Variants in PDE4D observed in about 807,000 individuals in gnomAD.
PDE4D encodes 3',5'-cyclic-AMP phosphodiesterase 4D.
In PDE4D, 24 loss-of-function variants were observed where a neutral mutation model predicts 87.4. The observed-to-expected ratio is 0.27, with a 90% confidence interval of 0.20 to 0.39. The LOEUF (loss-of-function observed/expected upper bound fraction) is 0.39. PDE4D is among the 10% of genes least tolerant of loss of function. The pLI, the probability that PDE4D is intolerant of heterozygous loss-of-function variation, is 1.00. For synonymous variants in PDE4D, 384 were observed against 383.2 expected, an observed-to-expected ratio of 1.00 and a Z score of -0.02; for missense variants, 714 against 1,041.0, an observed-to-expected ratio of 0.69 and a Z score of 4.32.
intron 1 of PDE4D, among the ~76,000 whole-genome samples, chr5:59,828,349 G>A (rs72751285): frequency 0.23 from 34,232 of 151,994 alleles, 4,888 homozygotes; most frequent in Admixed American, 0.34. Flanking sequence ...GGATTTGGGA[G>A]TGAGGGGGTA....
intron 1 of PDE4D, among the ~76,000 whole-genome samples, chr5:59,359,578 A>C (rs1781888426): frequency 6.6e-6 from 1 of 152,220 alleles, no homozygotes; most frequent in African/African-American, 2.4e-5. Flanking sequence ...AATATTTCAC[A>C]GACATGAGAA....
chr5:59,776,538 G>A lies in PDE4D; in HGVS notation c.455+116630C>T, dbSNP rs73758884. On this transcript the variant is annotated intron_variant, in intron 1 of 14. Transcript: ENST00000340635. ...TACAATAAATAGGTGCTTTACTGAT[G>A]CTTTTATGGCTCTGAAACTTGGGAA... 8.1e-3 allele frequency among the ~76,000 whole-genome samples: 1,231 copies of A among 152,280 alleles called. 10 individuals carry two copies. Among genetic ancestry groups the A allele is most frequent in the African/African-American group, 0.028 (1,180 of 41,560 alleles).
At chr5:59,160,502 C>T (rs1780905001) in intron 5 of PDE4D, among the ~76,000 whole-genome samples, 1 of 151,848 alleles carries the variant, frequency 6.6e-6, no homozygotes, top group Admixed American at 6.6e-5. Flanking sequence ...AAAGAAATTT[C>T]CAGGTGATTA....
chr5:60,494,601 T>C (rs1259659773), intron 1 of PDE4D, among the ~76,000 whole-genome samples: 2 of 152,178 alleles, frequency 1.3e-5, no homozygotes, highest in Non-Finnish European at 2.9e-5. Flanking sequence ...CTCCCCAGAT[T>C]CTTCTTTGTG....
At chr5:60,060,924 C>T (rs906155781) in intron 2 of PDE4D, among the ~76,000 whole-genome samples, 6 of 152,012 alleles carry the variant, frequency 3.9e-5, no homozygotes, top group African/African-American at 1.4e-4. Context: ...ATTGATGGAA[C>T]ATTTCCCAAA....
intron 1 of PDE4D, among the ~76,000 whole-genome samples, chr5:59,708,294 C>T (rs932131036): frequency 6.6e-6 from 1 of 151,728 alleles, no homozygotes; most frequent in Non-Finnish European, 1.5e-5. Flanking sequence ...TCAAACAAAC[C>T]CCACAGCTAG....
intron 2 of PDE4D, among the ~76,000 whole-genome samples, chr5:59,209,155 T>C (rs888672323): frequency 1.3e-5 from 2 of 152,198 alleles, no homozygotes; most frequent in African/African-American, 4.8e-5. Flanking sequence ...TTCTCTCAAA[T>C]AGTCTCACAT....
chr5:59,369,759 T>C (rs906141250), intron 1 of PDE4D, among the ~76,000 whole-genome samples: 1 of 152,078 alleles, frequency 6.6e-6, no homozygotes, highest in Admixed American at 6.6e-5. Flanking sequence ...AGCCCCCAGG[T>C]GCCTGAGATG....
chr5:59,112,304 C>G (rs1772802870), intron 5 of PDE4D, among the ~76,000 whole-genome samples: 1 of 152,138 alleles, frequency 6.6e-6, no homozygotes. Flanking sequence ...AGAGATGAAA[C>G]AGGGGTCAAA....
intron 11 of PDE4D, among the ~76,000 whole-genome samples, chr5:58,980,393 G>T: frequency 6.6e-6 from 1 of 152,106 alleles, no homozygotes; most frequent in East Asian, 1.9e-4. Flanking sequence ...GTACCTTATA[G>T]AGGTGAAAAC....
intron 6 of PDE4D, among the ~76,000 whole-genome samples, chr5:59,002,648 A>G (rs1750773645): frequency 6.6e-6 from 1 of 152,212 alleles, no homozygotes. Flanking sequence ...GCCCAGAGCC[A>G]GACCTGAGGG....
intron 1 of PDE4D, among the ~76,000 whole-genome samples, chr5:59,244,668 ATGTG>A (rs1162437569): frequency 1.9e-5 from 2 of 107,012 alleles, no homozygotes; most frequent in Non-Finnish European, 3.8e-5. Context: ...ATATGTATGT[ATGTG>A]TGTGTGTCTG....
intron 5 of PDE4D, chr5:59,039,241 C>CT (rs1759162243): frequency 8.1e-7 from 1 of 1,240,430 alleles, no homozygotes; most frequent in Non-Finnish European, 1.0e-6. Flanking sequence ...GGCGAGCCAA[C>CT]TTTCACACAG....
At chr5:60,359,588 A>C (rs1279549279) in intron 1 of PDE4D, among the ~76,000 whole-genome samples, 1 of 152,194 alleles carries the variant, frequency 6.6e-6, no homozygotes, top group Non-Finnish European at 1.5e-5. Context: ...TATTCTTAGA[A>C]AGGGCAACAA....
chr5:59,493,824 A>G (rs1806653172), intron 1 of PDE4D, among the ~76,000 whole-genome samples: 1 of 152,208 alleles, frequency 6.6e-6, no homozygotes, highest in Admixed American at 6.5e-5. Context: ...ATTACTGTTT[A>G]AGTTCGATTC....
At chr5:59,780,663 A>G (rs987854746) in intron 1 of PDE4D, among the ~76,000 whole-genome samples, 8 of 152,208 alleles carry the variant, frequency 5.3e-5, no homozygotes, top group Non-Finnish European at 1.0e-4. Context: ...TAGTTTGTGT[A>G]ACTTTTTCCT....
chr5:59,056,704 G>A (rs564512055), intron 5 of PDE4D, among the ~76,000 whole-genome samples: 2 of 152,062 alleles, frequency 1.3e-5, no homozygotes, highest in African/African-American at 2.4e-5. Flanking sequence ...GCAGTGTTTC[G>A]TTTTCTGTTC....
chr5:60,515,601 C>CTTTCTTTTTTTT, intron 1 of PDE4D, among the ~76,000 whole-genome samples: 1 of 106,818 alleles, frequency 9.4e-6, no homozygotes, highest in Non-Finnish European at 2.0e-5. Flanking sequence ...TTTTCTTTTT[C>CTTTCTTTTTTTT]TTTTTTTTTT....
rs892741874 is a variant in PDE4D, at chr5:59,027,360, C to CT, written c.921+11498dup. Among the ~76,000 whole-genome samples, 69 of 152,040 alleles carry CT rather than the reference C, an allele frequency of 4.5e-4. 1 individual carries two copies. The highest frequency in any genetic ancestry group is 1.6e-3 in the African/African-American group (67 of 41,490). On this transcript the variant is annotated intron_variant, in intron 6 of 14. Transcript: ENST00000340635. ...GTGATAGGTTTCTCCACTACAGTTT[C>CT]TTTTTTTTCCCTTTCTACACTGTAC...
Sources: allele counts gnomAD v4.1 joint callset (sites outside exome capture counted in the v4.1 genomes callset), GRCh38; gene constraint gnomAD v4.1.1; transcripts MANE v1.5; gene names NCBI Gene and HGNC (gene_info 2026-07-23, HGNC 2026-07-21).